Variants in LNX1 observed in about 807,000 individuals in gnomAD.
The protein encoded by LNX1 is ligand of numb-protein X 1.
In LNX1, 54 loss-of-function variants were observed where a neutral mutation model predicts 68.4. The ratio of observed to expected loss-of-function variants is 0.79; its 90% CI spans 0.63 to 0.99. The LOEUF (loss-of-function observed/expected upper bound fraction) is 0.99. LNX1 is among the 50% of genes least tolerant of loss of function. The probability of loss-of-function intolerance (pLI) is 0.00; values close to 1 mark genes in which losing one functional copy is unlikely to be tolerated. For missense variants in LNX1, 906 were observed against 926.4 expected (o/e 0.98, Z 0.29); for synonymous variants, 336 against 350.0 (o/e 0.96, Z 0.45).
At chr4:53,541,477 T>C (rs1560654671) in intron 2 of LNX1, among the ~76,000 whole-genome samples, 9 of 149,692 alleles carry the variant, frequency 6.0e-5, no homozygotes, top group Non-Finnish European at 3.0e-5. Context: ...ATTTCATATA[T>C]ATTTTTTTTC....
At chr4:53,635,737 A>G (rs913789887) in intron 1 of LNX1, among the ~76,000 whole-genome samples, 1 of 152,216 alleles carries the variant, frequency 6.6e-6, no homozygotes. Flanking sequence ...ACAAAATATT[A>G]GCCTATAATC....
At chr4:53,522,320 T>C (rs187970182) in intron 2 of LNX1, among the ~76,000 whole-genome samples, 10 of 152,310 alleles carry the variant, frequency 6.6e-5, no homozygotes, top group Middle Eastern at 3.4e-3. Flanking sequence ...TTCATAGTGA[T>C]CTCTCCCCTC....
intron 6 of LNX1, among the ~76,000 whole-genome samples, chr4:53,484,395 T>C (rs1724147531): frequency 6.6e-6 from 1 of 151,920 alleles, no homozygotes; most frequent in Non-Finnish European, 1.5e-5. Flanking sequence ...AAACCCTTTC[T>C]CTACTAAAAA....
At chr4:53,601,626 G>A (rs1270214949) in intron 2 of LNX1, among the ~76,000 whole-genome samples, 1 of 152,216 alleles carries the variant, frequency 6.6e-6, no homozygotes, top group Non-Finnish European at 1.5e-5. Context: ...AATGCCATGT[G>A]GCTGCGGGGG....
intron 2 of LNX1, among the ~76,000 whole-genome samples, chr4:53,563,734 C>T (rs1289199216): frequency 6.6e-6 from 1 of 152,104 alleles, no homozygotes; most frequent in African/African-American, 2.4e-5. Context: ...GGGGTTTCAC[C>T]ATTTTGGTCA....
At chr4:53,624,162 A>G (rs969795322) in intron 1 of LNX1, among the ~76,000 whole-genome samples, 5 of 151,874 alleles carry the variant, frequency 3.3e-5, no homozygotes, top group Non-Finnish European at 7.4e-5. Flanking sequence ...ATTTAGAGTA[A>G]CTCTTTACAT....
At chr4:53,531,758 C>T (rs533226035) in intron 2 of LNX1, among the ~76,000 whole-genome samples, 92 of 152,296 alleles carry the variant, frequency 6.0e-4, no homozygotes, top group Non-Finnish European at 1.0e-3. Flanking sequence ...ACAATTTCTG[C>T]ACTTCATTTT....
chr4:53,640,185 T>C (rs1734625718), intron 1 of LNX1, among the ~76,000 whole-genome samples: 1 of 152,206 alleles, frequency 6.6e-6, no homozygotes, highest in Non-Finnish European at 1.5e-5. Flanking sequence ...CCATTTCCAA[T>C]TGTTGGCATT....
At chr4:53,576,073 G>C in intron 1 of LNX1, 1 of 1,556,204 alleles carries the variant, frequency 6.4e-7, no homozygotes, top group Non-Finnish European at 8.7e-7. Flanking sequence ...CATCCCCCAA[G>C]ACCTGGTCGG....
chr4:53,608,416 C>A (rs1409844056), intron 2 of LNX1, among the ~76,000 whole-genome samples: 3 of 152,160 alleles, frequency 2.0e-5, no homozygotes, highest in Non-Finnish European at 4.4e-5. Flanking sequence ...CAATGTGATA[C>A]CATCTCACAC....
intron 2 of LNX1, among the ~76,000 whole-genome samples, chr4:53,567,789 T>C (rs1003630371): frequency 2.6e-5 from 4 of 151,604 alleles, no homozygotes; most frequent in Non-Finnish European, 2.9e-5. Flanking sequence ...ATCAAATAGA[T>C]GCAATAAAAA....
At chr4:53,510,231 A>G (rs1427809476) in intron 2 of LNX1, among the ~76,000 whole-genome samples, 1 of 152,222 alleles carries the variant, frequency 6.6e-6, no homozygotes, top group Non-Finnish European at 1.5e-5. Flanking sequence ...AAGCCACAAG[A>G]GTCTAGTTCA....
intron 2 of LNX1, among the ~76,000 whole-genome samples, chr4:53,601,635 G>A (rs1197116877): frequency 1.3e-5 from 2 of 152,154 alleles, no homozygotes; most frequent in South Asian, 2.1e-4. Context: ...TGGCTGCGGG[G>A]GTTTGGCAGA....
intron 1 of LNX1, among the ~76,000 whole-genome samples, chr4:53,585,378 A>C (rs1169546272): frequency 6.6e-6 from 1 of 152,098 alleles, no homozygotes; most frequent in Non-Finnish European, 1.5e-5. Flanking sequence ...TGGACAAGAA[A>C]TCTCTCCATA....
At chr4:53,610,636 A>G in intron 2 of LNX1, among the ~76,000 whole-genome samples, 1 of 147,682 alleles carries the variant, frequency 6.8e-6, no homozygotes, top group East Asian at 2.1e-4. Flanking sequence ...TGAACCCGGG[A>G]GGCAGAGCCT....
At chr4:53,514,188 G>T (rs1411954069) in intron 2 of LNX1, among the ~76,000 whole-genome samples, 1 of 152,190 alleles carries the variant, frequency 6.6e-6, no homozygotes, top group Non-Finnish European at 1.5e-5. Flanking sequence ...AGTTCCAAAG[G>T]GCAGGGATTA....
intron 1 of LNX1, among the ~76,000 whole-genome samples, chr4:53,637,514 CAT>C (rs933391192): frequency 2.0e-5 from 3 of 152,112 alleles, no homozygotes; most frequent in African/African-American, 4.8e-5. Flanking sequence ...TGTCATTTCA[CAT>C]GTTATTTACT....
intron 2 of LNX1, among the ~76,000 whole-genome samples, chr4:53,546,999 C>T (rs769457082): frequency 3.6e-4 from 55 of 152,258 alleles, no homozygotes; most frequent in Non-Finnish European, 4.0e-4. Flanking sequence ...CATTTCCCTG[C>T]CTCTTCAGTG....
chr4:53,461,695 G>A (rs1722124855), intron 9 of LNX1, 102 bp from the exon 10 acceptor site: 1 of 873,772 alleles, frequency 1.1e-6, no homozygotes, highest in Non-Finnish European at 1.8e-6. Context: ...CATTTTTAAT[G>A]GCTAAGTACC....
Sources: allele counts gnomAD v4.1 joint callset (sites outside exome capture counted in the v4.1 genomes callset), GRCh38; gene constraint gnomAD v4.1.1; transcripts MANE v1.5; gene names NCBI Gene and HGNC (gene_info 2026-07-23, HGNC 2026-07-21).